Variants in POU2F3 observed in about 807,000 individuals in gnomAD.
The protein encoded by POU2F3 is POU domain, class 2, transcription factor 3.
POU2F3 carries 23 observed loss-of-function variants against 59.2 expected under a neutral mutation model. That is an observed-to-expected ratio of 0.39 (90% confidence interval 0.28 to 0.55). The LOEUF (loss-of-function observed/expected upper bound fraction) is 0.55, where lower values mean the gene tolerates loss of function less well. Among genes scored for constraint, POU2F3 ranks in the 20% least tolerant of loss-of-function variants. The pLI is 0.66. For synonymous variants in POU2F3, 190 were observed against 214.6 expected (o/e 0.89, Z 1.00); for missense variants, 473 against 544.5 (o/e 0.87, Z 1.31).
chr11:120,290,957 C>G (rs557201195), intron 3 of POU2F3, among the ~76,000 whole-genome samples: 2 of 152,350 alleles, frequency 1.3e-5, no homozygotes, highest in African/African-American at 4.8e-5. Flanking sequence ...CCTTTTTCCT[C>G]TCTTTACCTC....
upstream of POU2F3, among the ~76,000 whole-genome samples, chr11:120,238,633 G>A (rs1406483226): frequency 2.0e-5 from 3 of 151,810 alleles, no homozygotes; most frequent in Non-Finnish European, 2.9e-5. Context: ...TCAGGAGATC[G>A]AGACCATCCT....
chr11:120,273,395 G>A (rs1290129910), intron 3 of POU2F3, among the ~76,000 whole-genome samples: 10 of 152,216 alleles, frequency 6.6e-5, no homozygotes, highest in Admixed American at 5.9e-4. Flanking sequence ...TGTCTGAAGT[G>A]GGTGGTGAGG....
At position 120,317,110 on chromosome 11, in the gene POU2F3, G is replaced by C. The variant is rs1048997092; in HGVS notation, c.1136-119G>C. On this transcript the variant is annotated intron_variant, in intron 11 of 12. Coordinates refer to ENST00000543440, the MANE Select transcript of POU2F3 (RefSeq NM_014352.4). ...AGGTAGTCAGGTGGGTGTGGCTAGG[G>C]AGAGGGTGAGGTCCCTTTGGGGATA... 38 of 1,222,064 alleles carry C rather than the reference G, an allele frequency of 3.1e-5. No individual in the cohort carries two copies. The African/African-American group carries it at 5.5e-4, about 18-fold the overall frequency. 75.7% of individuals were successfully genotyped at this position (1,222,064 alleles called of 1,614,324 possible).
intron 2 of POU2F3, among the ~76,000 whole-genome samples, chr11:120,251,793 C>CT (rs547326332): frequency 0.026 from 3,203 of 125,240 alleles, 164 homozygotes; most frequent in African/African-American, 0.068. Context: ...TCTTGGCTGC[C>CT]TTTTTTTTTT....
intron 1 of POU2F3, among the ~76,000 whole-genome samples, chr11:120,240,957 C>T (rs1323868965): frequency 6.6e-6 from 1 of 152,180 alleles, no homozygotes; most frequent in African/African-American, 2.4e-5. Context: ...CCATGCCTTC[C>T]TTCCCTAAGG....
intron 1 of POU2F3, among the ~76,000 whole-genome samples, chr11:120,243,192 T>C (rs142771387): frequency 4.6e-5 from 7 of 152,166 alleles, no homozygotes; most frequent in Non-Finnish European, 8.8e-5. Flanking sequence ...GGTGGGTCCT[T>C]TGAAGTCTCC....
At chr11:120,287,010 C>T (rs573934269) in intron 3 of POU2F3, among the ~76,000 whole-genome samples, 6 of 152,174 alleles carry the variant, frequency 3.9e-5, no homozygotes, top group East Asian at 1.9e-4. Context: ...AGTGACCCAT[C>T]GTTAATCAAC....
chr11:120,281,774 C>T (rs1940580541), intron 3 of POU2F3, among the ~76,000 whole-genome samples: 1 of 152,072 alleles, frequency 6.6e-6, no homozygotes, highest in South Asian at 2.1e-4. Flanking sequence ...ATTACACAGA[C>T]CTGGCTTTGA....
At chr11:120,303,995 T>C (rs1007289077) in intron 6 of POU2F3, 2 of 152,084 alleles carry the variant, frequency 1.3e-5, no homozygotes, top group Non-Finnish European at 1.5e-5. Flanking sequence ...AGGCACAGCA[T>C]GGTTCTAGGT....
intron 8 of POU2F3, among the ~76,000 whole-genome samples, chr11:120,306,404 C>T (rs4616049): frequency 0.076 from 11,604 of 152,154 alleles, 1,619 homozygotes; most frequent in East Asian, 0.6. Context: ...GACTAGCATA[C>T]AGGATGGGGC....
intron 3 of POU2F3, among the ~76,000 whole-genome samples, chr11:120,284,622 G>A (rs181261747): frequency 1.3e-5 from 2 of 152,270 alleles, no homozygotes; most frequent in African/African-American, 2.4e-5. Flanking sequence ...GCCAGAACAG[G>A]GCTCTTACTA....
At position 120,274,081 on chromosome 11, in the gene POU2F3, GAGAA is replaced by G. The variant is rs201242255; in HGVS notation, c.132+4844_132+4847del. ...AGAAAGAGAGAAAGAAAGAAAAAGA[GAGAA>G]AGAAAGGAAGGAAGGAAGGAAGAAA... On this transcript the variant is annotated intron_variant, in intron 3 of 12. Transcript: ENST00000543440. Among the ~76,000 whole-genome samples, 679 of 130,562 alleles carry G rather than the reference GAGAA, an allele frequency of 5.2e-3. 9 individuals carry two copies. Among genetic ancestry groups the G allele is most frequent in the African/African-American group, 0.018 (628 of 35,400 alleles). 85.7% of individuals were successfully genotyped at this position (130,562 alleles called of 152,430 possible). A position where few individuals can be genotyped will look rare whatever the true frequency, so the allele number is the denominator to read the frequency against.
chr11:120,302,210 C>T, intron 5 of POU2F3, 76 bp from the exon 6 acceptor site: 1 of 1,322,178 alleles, frequency 7.6e-7, no homozygotes, highest in East Asian at 2.4e-5. Flanking sequence ...GATCGTGGTG[C>T]CAAAGTTGTA....
intron 10 of POU2F3, among the ~76,000 whole-genome samples, chr11:120,312,217 G>C (rs61898343): frequency 0.12 from 18,283 of 152,134 alleles, 1,432 homozygotes; most frequent in South Asian, 0.23. Context: ...TCCACCTCCT[G>C]GGTTCAAGTA....
At chr11:120,306,865 G>A (rs979371547) in intron 8 of POU2F3, among the ~76,000 whole-genome samples, 7 of 152,182 alleles carry the variant, frequency 4.6e-5, no homozygotes, top group Non-Finnish European at 8.8e-5. Flanking sequence ...GAAATGATCC[G>A]AAGGTCTTCG....
Position 120,315,430 on chromosome 11 carries a change from G to T in POU2F3, c.1135+3G>T. The T allele has an allele frequency of 6.2e-7, 1 of 1,611,498 alleles. No individual in the cohort carries two copies. The highest frequency in any genetic ancestry group is 8.5e-7 in the Non-Finnish European group (1 of 1,177,636). On this transcript the variant is annotated splice_donor_region_variant and intron_variant, in intron 11 of 12. Transcript: ENST00000543440. ...CCACAGTACCATGCCTGGAACAGGT[G>T]AGCTTTAAAATGAGATTTCTGAAGA...
intron 3 of POU2F3, among the ~76,000 whole-genome samples, chr11:120,290,393 A>G (rs991595927): frequency 3.3e-5 from 5 of 152,188 alleles, no homozygotes; most frequent in African/African-American, 1.2e-4. Context: ...ACTGTGCACC[A>G]TACATAAAAG....
intron 3 of POU2F3, among the ~76,000 whole-genome samples, chr11:120,288,128 CAAAAAAAAA>C: frequency 1.6e-5 from 1 of 63,334 alleles, no homozygotes; most frequent in Non-Finnish European, 2.6e-5. Flanking sequence ...ACAAAAAAAC[CAAAAAAAAA>C]AAAAAAAAAA....
intron 1 of POU2F3, among the ~76,000 whole-genome samples, chr11:120,246,220 C>G (rs545971280): frequency 6.6e-6 from 1 of 151,806 alleles, no homozygotes; most frequent in Non-Finnish European, 1.5e-5. Flanking sequence ...GCAGTGGCAC[C>G]GGGGAAAGGG....
Sources: allele counts gnomAD v4.1 joint callset (sites outside exome capture counted in the v4.1 genomes callset), GRCh38; gene constraint gnomAD v4.1.1; transcripts MANE v1.5; gene names NCBI Gene and HGNC (gene_info 2026-07-23, HGNC 2026-07-21).